UNC5D: variants seen among roughly 807,000 people sequenced by gnomAD.
The protein encoded by UNC5D is netrin receptor UNC5D.
Under a neutral mutation model 105.4 loss-of-function variants are expected in UNC5D, and 39 were observed. The observed-to-expected ratio is 0.37, with a 90% CI of 0.29 to 0.48. The LOEUF (loss-of-function observed/expected upper bound fraction) is 0.48, where lower values mean the gene tolerates loss of function less well. Ranked by LOEUF, UNC5D falls within the 20% of genes least tolerant of loss-of-function variation. The probability of loss-of-function intolerance (pLI) is 0.98; values close to 1 mark genes in which losing one functional copy is unlikely to be tolerated. For missense variants in UNC5D, 991 were observed against 1,202.4 expected, an observed-to-expected ratio of 0.82 and a Z score of 2.60; for synonymous variants, 452 against 450.4, an observed-to-expected ratio of 1.00 and a Z score of -0.04.
Position 35,748,652 on chromosome 8 carries a change from G to A in UNC5D, c.1892G>A (p.Trp631Ter). The part of the protein sequence containing the change: ...PHCADVSSEH[W>*]NIHLKKRTQQ... ...TGTGCAGATGTCAGTTCTGAGCATT[G>A]GAATATCCATTTAAAGAAGAGGACA... The change falls in exon 12 of 17, where the codon TGG becomes TAG. Residue 631 changes from tryptophan (W) to a stop codon, truncating the protein, a stop_gained. Coordinates refer to ENST00000404895, the MANE Select transcript of UNC5D (RefSeq NM_080872.4). LOFTEE classifies it high-confidence loss of function. 6.2e-7 allele frequency: 1 copy of A among 1,613,798 alleles called. No individual in the cohort carries two copies. The highest frequency in any genetic ancestry group is 8.5e-7 in the Non-Finnish European group (1 of 1,179,832).
intron 1 of UNC5D, among the ~76,000 whole-genome samples, chr8:35,495,013 G>A (rs533169520): frequency 3.9e-5 from 6 of 152,042 alleles, no homozygotes; most frequent in African/African-American, 1.4e-4. Flanking sequence ...TGGTACTCAG[G>A]GGATAGAAAA....
chr8:35,414,460 C>T (rs139013486), intron 1 of UNC5D, among the ~76,000 whole-genome samples: 1 of 152,194 alleles, frequency 6.6e-6, no homozygotes, highest in African/African-American at 2.4e-5. Context: ...AAAAAATAGT[C>T]TACCTGTTGT....
chr8:35,560,678 A>G (rs892158346), intron 2 of UNC5D, among the ~76,000 whole-genome samples: 1 of 151,862 alleles, frequency 6.6e-6, no homozygotes, highest in Non-Finnish European at 1.5e-5. Flanking sequence ...CTCATGTTAG[A>G]AGAAGGCCTA....
intron 1 of UNC5D, among the ~76,000 whole-genome samples, chr8:35,472,237 G>T (rs1337007408): frequency 6.6e-6 from 1 of 152,112 alleles, no homozygotes; most frequent in Non-Finnish European, 1.5e-5. Context: ...TTGTGTAGGG[G>T]ATGTGGGCAT....
At chr8:35,371,129 T>C (rs1802404894) in intron 1 of UNC5D, among the ~76,000 whole-genome samples, 1 of 152,008 alleles carries the variant, frequency 6.6e-6, no homozygotes, top group Non-Finnish European at 1.5e-5. Flanking sequence ...AGGAGGATTA[T>C]TTGAATCCAG....
chr8:35,284,577 C>T (rs772035260), intron 1 of UNC5D, among the ~76,000 whole-genome samples: 24 of 151,986 alleles, frequency 1.6e-4, no homozygotes, highest in Admixed American at 8.5e-4. Context: ...TTCTTTTTGA[C>T]GGAGTCTCAC....
At chr8:35,697,160 C>CAG (rs1491027428) in intron 7 of UNC5D, among the ~76,000 whole-genome samples, 1 of 149,334 alleles carries the variant, frequency 6.7e-6, no homozygotes, top group African/African-American at 2.5e-5. Context: ...CACACACACA[C>CAG]AACATAAGCA....
rs3048025 is a variant in UNC5D at position 35,487,566 on chromosome 8, T to TACACACACACACACACAC, written c.104-61715_104-61698dup. ...ATCTCTCTGTCTCTCTCTCTCTCTG[T>TACACACACACACACACAC]ACACACACACACACACACACACACA... On this transcript the variant is annotated intron_variant, in intron 1 of 16. Coordinates refer to ENST00000404895, the MANE Select transcript of UNC5D (RefSeq NM_080872.4). Among the ~76,000 whole-genome samples, 175 of 113,010 alleles carry TACACACACACACACACAC rather than the reference T, an allele frequency of 1.5e-3. 1 individual carries two copies. The highest frequency in any genetic ancestry group is 6.0e-3 in the African/African-American group (162 of 26,890). 74.1% of individuals were successfully genotyped at this position (113,010 alleles called of 152,430 possible).
intron 1 of UNC5D, among the ~76,000 whole-genome samples, chr8:35,331,571 C>G (rs531404332): frequency 6.6e-6 from 1 of 152,246 alleles, no homozygotes; most frequent in African/African-American, 2.4e-5. Flanking sequence ...ACAACTTCAG[C>G]CTGCGTCAGC....
chr8:35,692,431 C>T (rs1368558785), intron 7 of UNC5D, among the ~76,000 whole-genome samples: 1 of 152,282 alleles, frequency 6.6e-6, no homozygotes, highest in Admixed American at 6.5e-5. Flanking sequence ...TTTCCTAGGG[C>T]ACTGAATCAG....
At chr8:35,392,319 C>T (rs941180091) in intron 1 of UNC5D, among the ~76,000 whole-genome samples, 1 of 152,178 alleles carries the variant, frequency 6.6e-6, no homozygotes, top group South Asian at 2.1e-4. Flanking sequence ...GCAACTGACC[C>T]TCCCACCTCG....
chr8:35,617,437 A>T (rs1821098337), intron 4 of UNC5D, among the ~76,000 whole-genome samples: 1 of 152,204 alleles, frequency 6.6e-6, no homozygotes, highest in Non-Finnish European at 1.5e-5. Context: ...ATCTTACTGC[A>T]GTTGAGCTTC....
chr8:35,327,383 T>C (rs1810248755), intron 1 of UNC5D, among the ~76,000 whole-genome samples: 1 of 152,172 alleles, frequency 6.6e-6, no homozygotes, highest in African/African-American at 2.4e-5. Context: ...TGTTGACCCA[T>C]CTCATGCCGA....
At chr8:35,525,781 G>T (rs1241719624) in intron 1 of UNC5D, 1 of 1,514,606 alleles carries the variant, frequency 6.6e-7, no homozygotes, top group Non-Finnish European at 8.8e-7. Context: ...GTGCCGTAAT[G>T]TGCTCTTTTA....
At chr8:35,667,387 G>T (rs1262461449) in intron 4 of UNC5D, among the ~76,000 whole-genome samples, 1 of 152,174 alleles carries the variant, frequency 6.6e-6, no homozygotes, top group South Asian at 2.1e-4. Flanking sequence ...TTAGCTAGCT[G>T]TTGTGGCAGA....
chr8:35,475,356 A>G (rs1324248315), intron 1 of UNC5D, among the ~76,000 whole-genome samples: 2 of 152,182 alleles, frequency 1.3e-5, no homozygotes, highest in Non-Finnish European at 2.9e-5. Context: ...GGAGGCCCAG[A>G]AGGGGACCTA....
At chr8:35,324,804 G>T (rs530099543) in intron 1 of UNC5D, among the ~76,000 whole-genome samples, 1 of 152,266 alleles carries the variant, frequency 6.6e-6, no homozygotes, top group South Asian at 2.1e-4. Context: ...TTAGTTCTCT[G>T]TGCTGAAAAA....
At chr8:35,690,910 C>CTAAAGCAATT (rs1297345015) in intron 7 of UNC5D, among the ~76,000 whole-genome samples, 1 of 152,188 alleles carries the variant, frequency 6.6e-6, no homozygotes, top group Non-Finnish European at 1.5e-5. Context: ...CAACATGACC[C>CTAAAGCAATT]TAAAGCAATT....
In UNC5D at chr8:35,639,933, C is replaced by G. The variant is rs1822610592; in HGVS notation, c.571-43614C>G. On this transcript the variant is annotated intron_variant, in intron 4 of 16. Transcript: ENST00000404895. ...TAGTGATGAGGTCTCATTTATTGCC[C>G]AGTCTGGTCTTAAACTCCTGCCCAT... 2.0e-5 allele frequency among the ~76,000 whole-genome samples: 3 copies of G among 151,712 alleles called. No individual in the cohort carries two copies. In the South Asian group the frequency reaches 6.3e-4, roughly 32 times the overall value.
Sources: allele counts gnomAD v4.1 joint callset (sites outside exome capture counted in the v4.1 genomes callset), GRCh38; gene constraint gnomAD v4.1.1; transcripts MANE v1.5; gene names NCBI Gene and HGNC (gene_info 2026-07-23, HGNC 2026-07-21).